The following SLC22A15 variants were observed in gnomAD, a reference collection of about 807,000 sequenced individuals.
The protein encoded by SLC22A15 is solute carrier family 22 member 15.
SLC22A15 carries 45 observed loss-of-function variants against 62.7 expected under a neutral mutation model. The ratio of observed to expected loss-of-function variants is 0.72; its 90% confidence interval spans 0.56 to 0.92. SLC22A15 has a LOEUF of 0.92. Among genes scored for constraint, SLC22A15 ranks in the 40% least tolerant of loss-of-function variants. The pLI is 0.00. For synonymous variants in SLC22A15, 264 were observed against 267.0 expected, an observed-to-expected ratio of 0.99 and a Z score of 0.11; for missense variants, 622 against 665.6, an observed-to-expected ratio of 0.93 and a Z score of 0.72.
At chr1:116,051,454 A>G (rs1354847343) in intron 8 of SLC22A15, among the ~76,000 whole-genome samples, 1 of 152,194 alleles carries the variant, frequency 6.6e-6, no homozygotes, top group African/African-American at 2.4e-5. Flanking sequence ...ACAAAAACAT[A>G]AAGTGGGGAA....
chr1:116,043,146 C>T (rs927728994), intron 8 of SLC22A15, among the ~76,000 whole-genome samples: 9 of 152,112 alleles, frequency 5.9e-5, no homozygotes, highest in Non-Finnish European at 1.2e-4. Flanking sequence ...TGTATCAGCC[C>T]GGCACAGTGG....
At position 116,019,609 on chromosome 1, in the gene SLC22A15, A is replaced by G. The variant is rs370693148; in HGVS notation, c.328A>G (p.Lys110Glu). 9 of 1,610,810 alleles carry G rather than the reference A, an allele frequency of 5.6e-6. No homozygotes were observed. Among genetic ancestry groups the G allele is most frequent in the South Asian group, 1.1e-5 (1 of 90,100 alleles). ...GTTTTTAATTGCCAACAGATCCTAC[A>G]AAGTCAGTGCAGCAAGCTCTTTTTT... Reference protein sequence around the residue: ...EWFLIANRSYKVSAASSFFFS... With the variant: ...EWFLIANRSYEVSAASSFFFS... The change falls in exon 3 of 12, where the codon AAA becomes GAA. Residue 110 changes from lysine (K) to glutamate (E), a missense_variant. By Grantham distance (56) the Lys-to-Glu change is moderately conservative (BLOSUM62 1). Transcript: ENST00000369503.
chr1:115,986,436 T>TC (rs1557870610), intron 1 of SLC22A15, among the ~76,000 whole-genome samples: 1 of 152,180 alleles, frequency 6.6e-6, no homozygotes, highest in Admixed American at 6.5e-5. Context: ...AAGCAATATT[T>TC]CCCCCGTAAA....
intron 2 of SLC22A15, among the ~76,000 whole-genome samples, chr1:115,995,813 G>A (rs1655396264): frequency 6.7e-6 from 1 of 149,504 alleles, no homozygotes; most frequent in Non-Finnish European, 1.5e-5. Context: ...TGCCTCTTGT[G>A]TCCTTTTATT....
At chr1:116,045,266 C>T (rs1250410338) in intron 8 of SLC22A15, among the ~76,000 whole-genome samples, 4 of 151,596 alleles carry the variant, frequency 2.6e-5, no homozygotes, top group African/African-American at 9.7e-5. Flanking sequence ...AGGCTGGTCT[C>T]GAACTCCTGA....
chr1:116,023,582 T>G (rs1057328050), intron 4 of SLC22A15, among the ~76,000 whole-genome samples: 1 of 152,198 alleles, frequency 6.6e-6, no homozygotes, highest in Non-Finnish European at 1.5e-5. Flanking sequence ...ACTGCTTTTT[T>G]TAGATAAAAA....
rs1198442014 is a variant in SLC22A15, at chr1:116,069,014, T to G, written c.*1906T>G. 6.6e-6 allele frequency: 1 copy of G among 152,164 alleles called. No individual in the cohort carries two copies. Among genetic ancestry groups the G allele is most frequent in the Non-Finnish European group, 1.5e-5 (1 of 68,042 alleles). 9.4% of individuals were successfully genotyped at this position (152,164 alleles called of 1,614,324 possible). A position where few individuals can be genotyped will look rare whatever the true frequency, so the allele number is the denominator to read the frequency against. ...ACGTCCAACATCGAAAGAAAACCAGTGTTATGACTTTGTTCCATTTGAAGA... is the reference window on the plus strand; with the variant it reads ...ACGTCCAACATCGAAAGAAAACCAGGGTTATGACTTTGTTCCATTTGAAGA... On this transcript the variant is annotated 3_prime_UTR_variant, in exon 12 of 12. Coordinates refer to ENST00000369503, the MANE Select transcript of SLC22A15 (RefSeq NM_018420.3).
intron 2 of SLC22A15, among the ~76,000 whole-genome samples, chr1:115,996,012 T>C (rs1655404849): frequency 6.6e-6 from 1 of 152,190 alleles, no homozygotes; most frequent in South Asian, 2.1e-4. Context: ...CAAGGATCCT[T>C]CATGTTGGCC....
At chr1:116,044,365 C>T (rs530244824) in intron 8 of SLC22A15, among the ~76,000 whole-genome samples, 6 of 152,220 alleles carry the variant, frequency 3.9e-5, no homozygotes, top group Admixed American at 6.5e-5. Flanking sequence ...TTTGGGAGGC[C>T]GAGGCAGGCG....
At chr1:116,031,017 T>C (rs938850958) in intron 5 of SLC22A15, among the ~76,000 whole-genome samples, 3 of 152,178 alleles carry the variant, frequency 2.0e-5, no homozygotes, top group Admixed American at 6.5e-5. Flanking sequence ...TGACCTGTGC[T>C]TTATGAAGAA....
chr1:116,000,867 C>T (rs1256120336), intron 2 of SLC22A15, among the ~76,000 whole-genome samples: 2 of 152,032 alleles, frequency 1.3e-5, no homozygotes, highest in African/African-American at 4.8e-5. Flanking sequence ...CTCCTGACCT[C>T]ATGATCTGCC....
At chr1:115,977,416 C>T (rs1654367152) in intron 1 of SLC22A15, among the ~76,000 whole-genome samples, 1 of 152,212 alleles carries the variant, frequency 6.6e-6, no homozygotes, top group Admixed American at 6.5e-5. Context: ...ACCCCAGCCT[C>T]AAAATATCGA....
intron 5 of SLC22A15, among the ~76,000 whole-genome samples, chr1:116,028,349 G>C (rs1161314590): frequency 6.6e-6 from 1 of 151,710 alleles, no homozygotes; most frequent in Middle Eastern, 3.4e-3. Context: ...GTAATAAATG[G>C]GTGCCTACTA....
chr1:116,035,096 C>A, intron 6 of SLC22A15, 91 bp from the exon 7 acceptor site: 4 of 1,319,528 alleles, frequency 3.0e-6, no homozygotes, highest in Non-Finnish European at 2.1e-6. Context: ...TATATTGAAC[C>A]AATATTTGAA....
At chr1:116,061,843 T>C in intron 8 of SLC22A15, among the ~76,000 whole-genome samples, 1 of 152,308 alleles carries the variant, frequency 6.6e-6, no homozygotes, top group Admixed American at 6.5e-5. Context: ...GAAACTAAAA[T>C]ATTACTATTG....
At chr1:115,992,901 A>T (rs1200600391) in intron 2 of SLC22A15, among the ~76,000 whole-genome samples, 1 of 152,152 alleles carries the variant, frequency 6.6e-6, no homozygotes, top group African/African-American at 2.4e-5. Context: ...CTGGGATTAC[A>T]GGCATGAGCC....
intron 8 of SLC22A15, among the ~76,000 whole-genome samples, chr1:116,056,275 G>A (rs1403281055): frequency 6.8e-6 from 1 of 147,110 alleles, no homozygotes; most frequent in Admixed American, 6.9e-5. Flanking sequence ...GACAATCAGA[G>A]AGCCAAATCA....
chr1:116,031,874 C>T (rs1657418034), intron 6 of SLC22A15: 1 of 1,189,950 alleles, frequency 8.4e-7, no homozygotes, highest in Non-Finnish European at 1.0e-6. Flanking sequence ...TTTAAGCCTT[C>T]CTGCCCCTTC....
At chr1:116,041,735 C>T (rs1657789153) in intron 8 of SLC22A15, among the ~76,000 whole-genome samples, 1 of 152,096 alleles carries the variant, frequency 6.6e-6, no homozygotes, top group South Asian at 2.1e-4. Context: ...AGGGAGAACT[C>T]CAGAGGTCTG....
Sources: gnomAD v4.1 joint callset for allele counts (sites outside exome capture counted in the v4.1 genomes callset) on GRCh38, gnomAD v4.1.1 for gene constraint, MANE v1.5 for transcripts, NCBI Gene and HGNC (gene_info 2026-07-23, HGNC 2026-07-21) for gene names.